DZANK1: variants seen among roughly 807,000 people sequenced by gnomAD.
DZANK1 encodes the protein double zinc ribbon and ankyrin repeat-containing protein 1.
Under a neutral mutation model 94.5 loss-of-function variants are expected in DZANK1, and 91 were observed. The observed-to-expected ratio is 0.96, with a 90% confidence interval of 0.81 to 1.15. The LOEUF (loss-of-function observed/expected upper bound fraction) is 1.15. DZANK1 is among the 50% of genes most tolerant of loss of function. The pLI is 0.00. For synonymous variants in DZANK1, 312 were observed against 325.3 expected (o/e 0.96, Z 0.44); for missense variants, 903 against 916.4 (o/e 0.99, Z 0.19).
intron 9 of DZANK1, chr20:18,428,763 T>G (rs2058164709): frequency 6.6e-6 from 1 of 152,160 alleles, no homozygotes; most frequent in Non-Finnish European, 1.5e-5. Context: ...ACAGGTAAAG[T>G]GGATGATCAA....
chr20:18,466,198 T>C (rs938793662), intron 1 of DZANK1, among the ~76,000 whole-genome samples: 1 of 152,250 alleles, frequency 6.6e-6, no homozygotes, highest in Non-Finnish European at 1.5e-5. Flanking sequence ...AATCCATAGA[T>C]TTTGCCCAAT....
chr20:18,450,428 A>C (rs921612277), intron 6 of DZANK1, among the ~76,000 whole-genome samples: 1 of 152,186 alleles, frequency 6.6e-6, no homozygotes, highest in Admixed American at 6.5e-5. Context: ...CATGACCTAG[A>C]CCAGAAGTCT....
chr20:18,425,324 G>C (rs1168413419), intron 10 of DZANK1, among the ~76,000 whole-genome samples: 2 of 152,110 alleles, frequency 1.3e-5, no homozygotes, highest in African/African-American at 4.8e-5. Context: ...GGGCCGAGTT[G>C]GGCGGATCAC....
chr20:18,434,487 G>A (rs2058433019), intron 8 of DZANK1, among the ~76,000 whole-genome samples: 1 of 147,498 alleles, frequency 6.8e-6, no homozygotes. Flanking sequence ...AGAGGTTGTA[G>A]TGAGCCGAGA....
chr20:18,427,770 A>C (rs944231454), intron 9 of DZANK1, among the ~76,000 whole-genome samples: 9 of 152,042 alleles, frequency 5.9e-5, no homozygotes, highest in African/African-American at 1.9e-4. Flanking sequence ...ACTTGGGTTT[A>C]CCCTCTGGGG....
intron 19 of DZANK1, 137 bp from the exon 20 acceptor site, chr20:18,385,227 T>C: frequency 1.4e-6 from 1 of 705,924 alleles, no homozygotes; most frequent in Non-Finnish European, 2.5e-6. Flanking sequence ...GAGTCTCCTC[T>C]CTCTGCCTTT....
intron 10 of DZANK1, among the ~76,000 whole-genome samples, chr20:18,417,034 C>CAAAAAAA (rs55889297): frequency 7.1e-6 from 1 of 139,928 alleles, no homozygotes. Flanking sequence ...CAAAAAAAAA[C>CAAAAAAA]AAAAAAAAAA....
intron 10 of DZANK1, among the ~76,000 whole-genome samples, chr20:18,422,725 C>T (rs1370769147): frequency 6.6e-6 from 1 of 151,468 alleles, no homozygotes; most frequent in Admixed American, 6.6e-5. Flanking sequence ...CTGGTCCCAA[C>T]TATTTCAGAT....
At chr20:18,412,203 C>T (rs984114752) in intron 13 of DZANK1, among the ~76,000 whole-genome samples, 2 of 152,164 alleles carry the variant, frequency 1.3e-5, no homozygotes, top group African/African-American at 4.8e-5. Context: ...TCAAGAGATC[C>T]TCCAGCCTTG....
chr20:18,385,937 C>T (rs1290940851), intron 19 of DZANK1, among the ~76,000 whole-genome samples: 1 of 152,106 alleles, frequency 6.6e-6, no homozygotes, highest in Non-Finnish European at 1.5e-5. Context: ...GAGGAGTGGG[C>T]AACTGAAATG....
intron 13 of DZANK1, among the ~76,000 whole-genome samples, chr20:18,411,998 G>A (rs2057279870): frequency 6.6e-6 from 1 of 152,270 alleles, no homozygotes; most frequent in Non-Finnish European, 1.5e-5. Context: ...ATAAGGCACT[G>A]ATCTATTCAT....
In DZANK1 at chr20:18,408,750, C is replaced by A. The variant is rs893035092; in HGVS notation, c.1432+3896G>T. On this transcript the variant is annotated intron_variant, in intron 13 of 20. Coordinates refer to ENST00000262547, the Ensembl canonical transcript of DZANK1. The stretch of plus-strand genomic sequence containing the variant: ...AATTTCATCAATACCAGACTGTTTA[C>A]AAGAAATGCTAAAGGGAGTTATTCA... 4.6e-5 allele frequency among the ~76,000 whole-genome samples: 7 copies of A among 152,234 alleles called. No homozygotes were observed. The South Asian group carries it at 1.5e-3, about 32-fold the overall frequency.
At chr20:18,457,469 CCT>C (rs1343599243) in intron 3 of DZANK1, among the ~76,000 whole-genome samples, 2 of 151,944 alleles carry the variant, frequency 1.3e-5, no homozygotes, top group Non-Finnish European at 2.9e-5. Context: ...ACAGCGAGAC[CCT>C]GTCTCAAAAA....
At chr20:18,444,112 T>C (rs1211976832) in intron 7 of DZANK1, among the ~76,000 whole-genome samples, 2 of 152,214 alleles carry the variant, frequency 1.3e-5, no homozygotes, top group Admixed American at 6.5e-5. Flanking sequence ...AGTTGGCTCC[T>C]GATCCTGTGA....
intron 10 of DZANK1, chr20:18,420,226 G>C (rs2057712383): frequency 4.9e-6 from 1 of 205,368 alleles, no homozygotes; most frequent in Non-Finnish European, 1.1e-5. Context: ...TGGCAAGGAG[G>C]TCAACATCCA....
At chr20:18,386,552 C>T (rs937518546) in intron 19 of DZANK1, among the ~76,000 whole-genome samples, 13 of 151,880 alleles carry the variant, frequency 8.6e-5, no homozygotes, top group African/African-American at 2.4e-4. Flanking sequence ...GAAAGAATAA[C>T]GATTATTCAA....
At chr20:18,392,970 C>T (rs2056102683) in intron 17 of DZANK1, among the ~76,000 whole-genome samples, 1 of 152,156 alleles carries the variant, frequency 6.6e-6, no homozygotes, top group Non-Finnish European at 1.5e-5. Context: ...TAGCTGAGAT[C>T]GCTAGTGCCT....
chr20:18,399,743 G>A lies in DZANK1; in HGVS notation c.1433-1117C>T, dbSNP rs149147586. Among the ~76,000 whole-genome samples, 522 of 152,284 alleles carry A rather than the reference G, an allele frequency of 3.4e-3. 5 individuals are homozygous for A. The highest frequency in any genetic ancestry group is 0.012 in the African/African-American group (500 of 41,558). ...GGTTTCTCATATGCAGGCGGAAGAC[G>A]CAGGGGCACTGGGCTCACCTTCCCA... On this transcript the variant is annotated intron_variant, in intron 13 of 20. Transcript: ENST00000262547.
intron 10 of DZANK1, chr20:18,421,065 C>A: frequency 6.1e-6 from 1 of 164,650 alleles, no homozygotes; most frequent in South Asian, 1.7e-4. Flanking sequence ...TATAATGAAC[C>A]AGTATAGAAT....
Sources: allele counts gnomAD v4.1 joint callset (sites outside exome capture counted in the v4.1 genomes callset), GRCh38; gene constraint gnomAD v4.1.1; transcripts MANE v1.5; gene names NCBI Gene and HGNC (gene_info 2026-07-23, HGNC 2026-07-21).